ARID5B: variants seen among roughly 807,000 people sequenced by gnomAD.
The protein encoded by ARID5B is AT-rich interaction domain 5B, also known as AT-rich interactive domain-containing protein 5B.
ARID5B carries 13 observed loss-of-function variants against 97.2 expected under a neutral mutation model. That is an observed-to-expected ratio of 0.13 (90% CI 0.09 to 0.21). ARID5B has a LOEUF of 0.21. Among genes scored for constraint, ARID5B ranks in the 10% least tolerant of loss-of-function variants. The probability of loss-of-function intolerance (pLI) is 1.00; values close to 1 mark genes in which losing one functional copy is unlikely to be tolerated. For synonymous variants in ARID5B, 556 were observed against 570.3 expected (o/e 0.97, Z 0.36); for missense variants, 1,210 against 1,465.3 (o/e 0.83, Z 2.84).
chr10:61,944,485 T>C (rs1844468900), intron 3 of ARID5B, among the ~76,000 whole-genome samples: 1 of 152,204 alleles, frequency 6.6e-6, no homozygotes. Context: ...ATAGCAAACT[T>C]GCATTTTTTT....
chr10:61,931,618 T>A (rs1408720040), intron 2 of ARID5B, among the ~76,000 whole-genome samples: 4 of 151,224 alleles, frequency 2.6e-5, no homozygotes, highest in Non-Finnish European at 4.4e-5. Flanking sequence ...GACAAAAAGT[T>A]AAAAGAACTC....
intron 7 of ARID5B, among the ~76,000 whole-genome samples, chr10:62,066,829 C>T (rs891785661): frequency 2.6e-5 from 4 of 152,182 alleles, no homozygotes; most frequent in African/African-American, 4.8e-5. Context: ...CTTTCTTGCT[C>T]ATCAGTTTTC....
At chr10:62,074,602 GGA>G in intron 8 of ARID5B, among the ~76,000 whole-genome samples, 1 of 152,176 alleles carries the variant, frequency 6.6e-6, no homozygotes, top group Middle Eastern at 3.2e-3. Context: ...ATCATACCAT[GGA>G]TAAAGGCTGG....
At chr10:62,076,797 T>C (rs1185449041) in intron 8 of ARID5B, among the ~76,000 whole-genome samples, 1 of 152,112 alleles carries the variant, frequency 6.6e-6, no homozygotes, top group Non-Finnish European at 1.5e-5. Context: ...TGAACTATTA[T>C]CCTAAGGTGC....
intron 4 of ARID5B, among the ~76,000 whole-genome samples, chr10:62,032,411 G>A (rs1839508368): frequency 6.6e-6 from 1 of 152,200 alleles, no homozygotes; most frequent in Non-Finnish European, 1.5e-5. Context: ...CACAGTGTCA[G>A]ACATCTGATG....
At chr10:61,930,722 A>AAAAAAATAAATAAAT (rs368165490) in intron 2 of ARID5B, among the ~76,000 whole-genome samples, 1 of 140,358 alleles carries the variant, frequency 7.1e-6, no homozygotes. Flanking sequence ...TCCGCCTCAA[A>AAAAAAATAAATAAAT]AAATAAATAA....
intron 4 of ARID5B, among the ~76,000 whole-genome samples, chr10:62,002,003 C>T (rs1314418900): frequency 5.9e-5 from 9 of 152,162 alleles, no homozygotes; most frequent in African/African-American, 1.4e-4. Flanking sequence ...TCCACATTCT[C>T]GGCTCCCAAA....
At chr10:62,047,016 G>GTC (rs952502535) in intron 4 of ARID5B, 5 of 151,898 alleles carry the variant, frequency 3.3e-5, no homozygotes, top group Admixed American at 2.6e-4. Context: ...GTGTGTGTGT[G>GTC]TGTGTGTGTG....
chr10:61,906,976 T>A (rs376059261), intron 2 of ARID5B, among the ~76,000 whole-genome samples: 3 of 152,222 alleles, frequency 2.0e-5, no homozygotes, highest in African/African-American at 7.2e-5. Context: ...TCAATAATGG[T>A]TGACTGTTGT....
At chr10:61,937,175 A>C (rs1844320251) in intron 2 of ARID5B, among the ~76,000 whole-genome samples, 1 of 152,222 alleles carries the variant, frequency 6.6e-6, no homozygotes, top group Non-Finnish European at 1.5e-5. Context: ...ACAATGCAAT[A>C]GGGAGTGGTG....
chr10:62,003,504 A>T (rs529455017), intron 4 of ARID5B, among the ~76,000 whole-genome samples: 1 of 152,152 alleles, frequency 6.6e-6, no homozygotes, highest in African/African-American at 2.4e-5. Context: ...TCATGTTCTG[A>T]CCTCCCATTT....
At chr10:61,937,881 G>A (rs186170604) in intron 2 of ARID5B, among the ~76,000 whole-genome samples, 31 of 152,208 alleles carry the variant, frequency 2.0e-4, no homozygotes, top group Non-Finnish European at 3.7e-4. Flanking sequence ...GTGGTGGGAG[G>A]GGGGTGTTGG....
chr10:61,966,041 G>A (rs534506668), intron 3 of ARID5B, among the ~76,000 whole-genome samples: 2 of 152,238 alleles, frequency 1.3e-5, no homozygotes, highest in East Asian at 1.9e-4. Flanking sequence ...ATATGTTTGT[G>A]TTGCAGAAAG....
At chr10:61,913,414 GAGA>G (rs1328021753) in intron 2 of ARID5B, among the ~76,000 whole-genome samples, 2 of 152,240 alleles carry the variant, frequency 1.3e-5, no homozygotes, top group East Asian at 3.8e-4. Flanking sequence ...AAAAGAGACT[GAGA>G]AGAACAAATC....
intron 4 of ARID5B, among the ~76,000 whole-genome samples, chr10:62,022,960 C>T (rs928289250): frequency 3.3e-5 from 5 of 152,136 alleles, no homozygotes; most frequent in African/African-American, 9.7e-5. Flanking sequence ...TGTTTTCTTA[C>T]GAGTTTTGAT....
intron 2 of ARID5B, among the ~76,000 whole-genome samples, chr10:61,908,799 CAAAAAAAAAAAAA>C (rs369792859): frequency 3.9e-5 from 2 of 50,994 alleles, no homozygotes; most frequent in Non-Finnish European, 3.5e-5. Flanking sequence ...GACTCCATCT[CAAAAAAAAAAAAA>C]AAAAAAAAAA....
chr10:62,024,931 T>C (rs1287825857), intron 4 of ARID5B: 1 of 311,650 alleles, frequency 3.2e-6, no homozygotes, highest in Admixed American at 5.0e-5. Flanking sequence ...GATTACTACA[T>C]ATAAGTGCCC....
chr10:62,033,747 G>A (rs185758139), intron 4 of ARID5B, among the ~76,000 whole-genome samples: 28 of 152,292 alleles, frequency 1.8e-4, no homozygotes, highest in African/African-American at 6.5e-4. Context: ...GCCAAATAAT[G>A]TGCAAGCCAT....
chr10:61,950,644 TG>T (rs879373908), intron 3 of ARID5B, among the ~76,000 whole-genome samples: 3 of 152,182 alleles, frequency 2.0e-5, no homozygotes, highest in Non-Finnish European at 4.4e-5. Context: ...CACTCCAGCC[TG>T]GGCAACCCAC....
Sources: gnomAD v4.1 joint callset for allele counts (sites outside exome capture counted in the v4.1 genomes callset) on GRCh38, gnomAD v4.1.1 for gene constraint, MANE v1.5 for transcripts, NCBI Gene and HGNC (gene_info 2026-07-23, HGNC 2026-07-21) for gene names.